The following PPP2R3A variants were observed in gnomAD, a reference collection of about 807,000 sequenced individuals.
PPP2R3A encodes the protein protein phosphatase 2 regulatory subunit B''alpha, also known as serine/threonine-protein phosphatase 2A regulatory subunit B'' subunit alpha.
In PPP2R3A, 80 loss-of-function variants were observed where a neutral mutation model predicts 106.9. The ratio of observed to expected loss-of-function variants is 0.75; its 90% confidence interval spans 0.62 to 0.90. The LOEUF is 0.90. Ranked by LOEUF, PPP2R3A falls within the 40% of genes least tolerant of loss-of-function variation. The probability of loss-of-function intolerance (pLI) is 0.00; values close to 1 mark genes in which losing one functional copy is unlikely to be tolerated. For synonymous variants in PPP2R3A, 483 were observed against 468.3 expected (o/e 1.03, Z -0.41); for missense variants, 1,386 against 1,350.4 (o/e 1.03, Z -0.41).
intron 5 of PPP2R3A, among the ~76,000 whole-genome samples, chr3:136,053,545 C>T (rs1006370316): frequency 3.9e-5 from 6 of 152,100 alleles, no homozygotes; most frequent in Non-Finnish European, 7.4e-5. Context: ...CACTGAAGGT[C>T]GGTATACACA....
chr3:136,047,286 T>C (rs1460213715), intron 4 of PPP2R3A, among the ~76,000 whole-genome samples: 2 of 152,216 alleles, frequency 1.3e-5, no homozygotes, highest in Admixed American at 6.5e-5. Flanking sequence ...GTAGTTCTAT[T>C]ACTGGGTATA....
intron 2 of PPP2R3A, among the ~76,000 whole-genome samples, chr3:136,021,043 A>G (rs577409228): frequency 6.6e-6 from 1 of 152,146 alleles, no homozygotes; most frequent in African/African-American, 2.4e-5. Context: ...AAAGGAATGA[A>G]CCTACTCACC....
At chr3:136,066,180 A>C (rs1279652073) in intron 5 of PPP2R3A, among the ~76,000 whole-genome samples, 6 of 152,246 alleles carry the variant, frequency 3.9e-5, no homozygotes, top group Non-Finnish European at 7.3e-5. Flanking sequence ...AAGCCCAGGT[A>C]GTTTTACAGG....
intron 1 of PPP2R3A, among the ~76,000 whole-genome samples, chr3:135,987,615 G>A (rs1932973636): frequency 6.6e-6 from 1 of 152,076 alleles, no homozygotes; most frequent in Non-Finnish European, 1.5e-5. Context: ...TCAAGATAGT[G>A]CCTCACTTAC....
intron 13 of PPP2R3A, among the ~76,000 whole-genome samples, chr3:136,111,356 G>T (rs1221053441): frequency 2.6e-5 from 4 of 151,872 alleles, no homozygotes; most frequent in Non-Finnish European, 5.9e-5. Flanking sequence ...ATTTTCACTA[G>T]AAGAATAAAA....
intron 1 of PPP2R3A, among the ~76,000 whole-genome samples, chr3:135,995,211 A>G (rs944769330): frequency 6.6e-6 from 1 of 152,198 alleles, no homozygotes; most frequent in Non-Finnish European, 1.5e-5. Flanking sequence ...AGGTGCATAA[A>G]TATACACATT....
chr3:136,130,336 A>G (rs891160027), intron 13 of PPP2R3A, among the ~76,000 whole-genome samples: 2 of 152,218 alleles, frequency 1.3e-5, no homozygotes, highest in Admixed American at 6.5e-5. Flanking sequence ...TACAAAATCA[A>G]TTGTGCAAAA....
At chr3:135,991,620 G>A (rs1933166589) in intron 1 of PPP2R3A, among the ~76,000 whole-genome samples, 1 of 152,036 alleles carries the variant, frequency 6.6e-6, no homozygotes, top group Non-Finnish European at 1.5e-5. Flanking sequence ...GTAAAATGTA[G>A]CCCTTTCTTA....
intron 7 of PPP2R3A, among the ~76,000 whole-genome samples, chr3:136,078,729 T>C (rs896567193): frequency 6.6e-6 from 1 of 151,954 alleles, no homozygotes; most frequent in Non-Finnish European, 1.5e-5. Flanking sequence ...TCCATAGACA[T>C]GGATAAAACG....
At chr3:136,097,500 GCTTT>G (rs1440310650) in intron 10 of PPP2R3A, among the ~76,000 whole-genome samples, 2 of 152,290 alleles carry the variant, frequency 1.3e-5, no homozygotes, top group African/African-American at 2.4e-5. Flanking sequence ...TTGCATTCTA[GCTTT>G]CTTTCTCTCT....
At chr3:136,073,181 A>T (rs1471122966) in intron 6 of PPP2R3A, among the ~76,000 whole-genome samples, 1 of 152,032 alleles carries the variant, frequency 6.6e-6, no homozygotes, top group Admixed American at 6.6e-5. Context: ...GTTAGCCAGG[A>T]TGGTCTCGAT....
chr3:135,975,389 C>T (rs1303467943), intron 1 of PPP2R3A, among the ~76,000 whole-genome samples: 4 of 152,112 alleles, frequency 2.6e-5, no homozygotes. Flanking sequence ...TATGTGGGCC[C>T]TCTGGTGGGT....
chr3:136,026,697 T>G, intron 2 of PPP2R3A, 135 bp from the exon 3 acceptor site: 1 of 709,800 alleles, frequency 1.4e-6, no homozygotes, highest in African/African-American at 1.8e-5. Context: ...GAAACATGCT[T>G]ACCACCTTTA....
intron 5 of PPP2R3A, among the ~76,000 whole-genome samples, chr3:136,068,795 C>T (rs1378100240): frequency 4.0e-5 from 6 of 150,600 alleles, no homozygotes; most frequent in African/African-American, 1.3e-4. Context: ...GCAGCAGACA[C>T]CACTTGAACT....
Position 135,995,167 on chromosome 3 carries a change from G to T in PPP2R3A, c.-440-5892G>T, listed in dbSNP as rs188690813. Among the ~76,000 whole-genome samples, 44 of 152,178 alleles carry T rather than the reference G, an allele frequency of 2.9e-4. 1 individual carries two copies. Among genetic ancestry groups the T allele is most frequent in the African/African-American group, 9.6e-4 (40 of 41,516 alleles). On this transcript the variant is annotated intron_variant, in intron 1 of 13. Transcript: ENST00000264977. ...AAGGACCAGCAGAGACCAAAAGCCT[G>T]GGGGGGTGGGGCTGGCAGCATGCCA...
At chr3:136,126,356 C>G (rs541680269) in intron 13 of PPP2R3A, among the ~76,000 whole-genome samples, 1 of 152,346 alleles carries the variant, frequency 6.6e-6, no homozygotes, top group African/African-American at 2.4e-5. Context: ...GCCCATGGAG[C>G]CTTGCTCACT....
At chr3:135,979,198 G>C (rs544302040) in intron 1 of PPP2R3A, among the ~76,000 whole-genome samples, 2 of 151,534 alleles carry the variant, frequency 1.3e-5, no homozygotes, top group Non-Finnish European at 2.9e-5. Flanking sequence ...GGCCAACATG[G>C]TGAAACCCCG....
intron 1 of PPP2R3A, among the ~76,000 whole-genome samples, chr3:135,966,868 T>C (rs1937104849): frequency 6.6e-6 from 1 of 152,164 alleles, no homozygotes; most frequent in Non-Finnish European, 1.5e-5. Context: ...TTTTCTTTGT[T>C]CTTCCTTAGT....
chr3:136,091,985 G>A (rs554408894), intron 10 of PPP2R3A, among the ~76,000 whole-genome samples: 1 of 152,212 alleles, frequency 6.6e-6, no homozygotes, highest in South Asian at 2.1e-4. Flanking sequence ...TCTCCAGTGA[G>A]TATTTCCTTT....
Sources: allele counts gnomAD v4.1 joint callset (sites outside exome capture counted in the v4.1 genomes callset), GRCh38; gene constraint gnomAD v4.1.1; transcripts MANE v1.5; gene names NCBI Gene and HGNC (gene_info 2026-07-23, HGNC 2026-07-21).